Variants in YAP1 observed in about 807,000 individuals in gnomAD.
YAP1 encodes transcriptional coactivator YAP1.
In YAP1, 5 loss-of-function variants were observed where a neutral mutation model predicts 56.9. That is an observed-to-expected ratio of 0.09 (90% CI 0.05 to 0.18). YAP1 has a LOEUF of 0.18. Ranked by LOEUF, YAP1 falls within the 10% of genes least tolerant of loss-of-function variation. YAP1 has a pLI of 1.00. For missense variants in YAP1, 539 were observed against 651.8 expected (o/e 0.83, Z 1.88); for synonymous variants, 265 against 248.1 (o/e 1.07, Z -0.64).
At position 102,184,513 on chromosome 11, in the gene YAP1, C is replaced by A. The variant is rs575966570; in HGVS notation, c.689-1505C>A. On this transcript the variant is annotated intron_variant, in intron 3 of 8. Transcript: ENST00000282441. ...GGGGAGCCTTCCTAAGGATTCTAGGCATGGAGAAAACTAATTCCACACGTC... is the reference window on the plus strand; with the variant it reads ...GGGGAGCCTTCCTAAGGATTCTAGGAATGGAGAAAACTAATTCCACACGTC... 5.3e-5 allele frequency among the ~76,000 whole-genome samples: 8 copies of A among 152,288 alleles called. No individual in the cohort carries two copies. In the South Asian group the frequency reaches 1.7e-3, roughly 32 times the overall value.
At chr11:102,201,092 T>C (rs1948830378) in intron 4 of YAP1, among the ~76,000 whole-genome samples, 1 of 152,204 alleles carries the variant, frequency 6.6e-6, no homozygotes, top group African/African-American at 2.4e-5. Context: ...CCCAAAGATA[T>C]AGTAGCAGAA....
intron 6 of YAP1, among the ~76,000 whole-genome samples, chr11:102,213,379 A>G (rs551162644): frequency 4.9e-4 from 75 of 152,286 alleles, no homozygotes; most frequent in Non-Finnish European, 7.2e-4. Flanking sequence ...CCAGCTGCTC[A>G]GGAGGCTGAG....
At chr11:102,227,267 T>G (rs1391396819) in intron 7 of YAP1, among the ~76,000 whole-genome samples, 1 of 152,178 alleles carries the variant, frequency 6.6e-6, no homozygotes, top group Non-Finnish European at 1.5e-5. Context: ...CAGCTTCAAT[T>G]AGGATTAACT....
chr11:102,186,814 A>ATGTGCGTGTGTGTGTG (rs1947982189), intron 4 of YAP1: 1 of 138,418 alleles, frequency 7.2e-6, no homozygotes. Context: ...TTTTTAAAAA[A>ATGTGCGTGTGTGTGTG]TGTGTGTGTG....
In YAP1 at chr11:102,162,583, A is replaced by G. The variant is rs1946354591; in HGVS notation, c.688+12A>G. Reference sequence around the variant, plus strand: ...GAACTCGGCTTCAGGTGAGTGAGACACTGTAATTACAGCACATGGAGTAAT... The same window carrying G: ...GAACTCGGCTTCAGGTGAGTGAGACGCTGTAATTACAGCACATGGAGTAAT... On this transcript the variant is annotated intron_variant, in intron 3 of 8. Transcript: ENST00000282441. 1.9e-6 allele frequency: 3 copies of G among 1,609,428 alleles called. No homozygotes were observed. The African/African-American group carries it at 4.0e-5, about 22-fold the overall frequency.
intron 7 of YAP1, 96 bp downstream of exon 7, chr11:102,223,848 G>A: frequency 6.7e-7 from 1 of 1,483,084 alleles, no homozygotes; most frequent in South Asian, 1.3e-5. Context: ...GAACATCTGT[G>A]TGGGCCAAAA....
chr11:102,144,654 T>C (rs1191269729), intron 2 of YAP1, among the ~76,000 whole-genome samples: 1 of 152,184 alleles, frequency 6.6e-6, no homozygotes. Flanking sequence ...TGATATGGCA[T>C]CTCATTTCTG....
At chr11:102,114,884 G>A (rs1943181104) in intron 2 of YAP1, among the ~76,000 whole-genome samples, 1 of 152,080 alleles carries the variant, frequency 6.6e-6, no homozygotes, top group Non-Finnish European at 1.5e-5. Flanking sequence ...ATTGTGAAAT[G>A]ACAAGCACTA....
chr11:102,135,644 A>C (rs1481737168), intron 2 of YAP1, among the ~76,000 whole-genome samples: 2 of 152,234 alleles, frequency 1.3e-5, no homozygotes, highest in African/African-American at 4.8e-5. Context: ...CTAACCTTGG[A>C]CATCCCATTG....
At chr11:102,112,169 G>C (rs1942977041) in intron 1 of YAP1, among the ~76,000 whole-genome samples, 1 of 152,200 alleles carries the variant, frequency 6.6e-6, no homozygotes, top group African/African-American at 2.4e-5. Context: ...CATAGGCCAA[G>C]TCCTGCCTAG....
intron 7 of YAP1, chr11:102,226,878 T>C (rs77611957): frequency 0.033 from 4,954 of 152,404 alleles, 105 homozygotes; most frequent in Non-Finnish European, 0.048. Flanking sequence ...TCTTATCTTA[T>C]TGGCAGTGAC....
chr11:102,153,920 A>C (rs1945802802), intron 2 of YAP1, among the ~76,000 whole-genome samples: 1 of 152,098 alleles, frequency 6.6e-6, no homozygotes, highest in Non-Finnish European at 1.5e-5. Context: ...CTCATGTAAC[A>C]CTAAAGATCC....
chr11:102,112,084 T>G (rs1193133610), intron 1 of YAP1, among the ~76,000 whole-genome samples: 1 of 152,236 alleles, frequency 6.6e-6, no homozygotes, highest in African/African-American at 2.4e-5. Flanking sequence ...ATCTGTACGT[T>G]GCGCAGGAAC....
At chr11:102,116,434 A>C (rs1201494379) in intron 2 of YAP1, among the ~76,000 whole-genome samples, 1 of 152,188 alleles carries the variant, frequency 6.6e-6, no homozygotes, top group Admixed American at 6.5e-5. Context: ...AGGAATGACT[A>C]TTCATTTTTC....
chr11:102,131,974 T>G lies in YAP1; in HGVS notation c.572+17580T>G, dbSNP rs192891946. 3.9e-5 allele frequency among the ~76,000 whole-genome samples: 6 copies of G among 152,198 alleles called. No individual in the cohort carries two copies. In the East Asian group the frequency reaches 1.2e-3, roughly 29 times the overall value. On this transcript the variant is annotated intron_variant, in intron 2 of 8. Transcript: ENST00000282441. The stretch of plus-strand genomic sequence containing the variant: ...CTCTACTAAAAATAGAAAAATTAGC[T>G]GGGCACAGTGGTGTGCGCCTGTTGT...
intron 1 of YAP1, chr11:102,112,327 AGTGAAACT>A: frequency 3.4e-6 from 3 of 870,294 alleles, no homozygotes; most frequent in Non-Finnish European, 2.8e-6. Context: ...TCAGCATAGA[AGTGAAACT>A]GTTTATAATG....
intron 2 of YAP1, among the ~76,000 whole-genome samples, chr11:102,129,760 C>A: frequency 6.8e-6 from 1 of 146,522 alleles, no homozygotes; most frequent in African/African-American, 2.5e-5. Flanking sequence ...AAAGTGATTA[C>A]ATAGGAAAAT....
chr11:102,191,816 A>G (rs964899454), intron 4 of YAP1, among the ~76,000 whole-genome samples: 1 of 152,068 alleles, frequency 6.6e-6, no homozygotes, highest in Non-Finnish European at 1.5e-5. Flanking sequence ...GACTACAGGC[A>G]TGTGCCACCA....
chr11:102,184,603 C>T (rs973412394), intron 3 of YAP1, among the ~76,000 whole-genome samples: 6 of 152,204 alleles, frequency 3.9e-5, no homozygotes, highest in African/African-American at 1.4e-4. Flanking sequence ...GCAAATTGAT[C>T]TGTTCCTAAT....
Sources: allele counts gnomAD v4.1 joint callset (sites outside exome capture counted in the v4.1 genomes callset), GRCh38; gene constraint gnomAD v4.1.1; transcripts MANE v1.5; gene names NCBI Gene and HGNC (gene_info 2026-07-23, HGNC 2026-07-21).